The following CADM1 variants were observed in gnomAD, a reference collection of about 807,000 sequenced individuals.
The protein encoded by CADM1 is TSLC-1.
In CADM1, 15 loss-of-function variants were observed where a neutral mutation model predicts 53.1. The observed-to-expected ratio is 0.28, with a 90% CI of 0.19 to 0.44. The LOEUF (loss-of-function observed/expected upper bound fraction) is 0.44. CADM1 is among the 20% of genes least tolerant of loss of function. The probability of loss-of-function intolerance (pLI) is 1.00; values close to 1 mark genes in which losing one functional copy is unlikely to be tolerated. For synonymous variants in CADM1, 281 were observed against 243.0 expected, an observed-to-expected ratio of 1.16 and a Z score of -1.45; for missense variants, 434 against 611.3, an observed-to-expected ratio of 0.71 and a Z score of 3.06.
intron 4 of CADM1, among the ~76,000 whole-genome samples, chr11:115,230,858 A>G (rs913725648): frequency 6.6e-6 from 1 of 152,248 alleles, no homozygotes; most frequent in Non-Finnish European, 1.5e-5. Context: ...AGGAAAGCAT[A>G]TAGTCAACAC....
intron 1 of CADM1, among the ~76,000 whole-genome samples, chr11:115,322,001 A>G (rs1415263840): frequency 1.3e-5 from 2 of 152,152 alleles, no homozygotes; most frequent in African/African-American, 4.8e-5. Context: ...CATTTTGCCA[A>G]CCTATCACTC....
At chr11:115,439,041 T>TATCCCTGAGGAGAGAA (rs1948246993) in intron 1 of CADM1, among the ~76,000 whole-genome samples, 1 of 152,100 alleles carries the variant, frequency 6.6e-6, no homozygotes, top group Admixed American at 6.6e-5. Flanking sequence ...CTGGGAGGGG[T>TATCCCTGAGGAGAGAA]GCACTGGGTC....
chr11:115,419,690 C>T (rs544428393), intron 1 of CADM1, among the ~76,000 whole-genome samples: 1 of 152,176 alleles, frequency 6.6e-6, no homozygotes, highest in East Asian at 1.9e-4. Flanking sequence ...CGAAAATGAG[C>T]CCCTGAGACT....
At chr11:115,198,280 GTATA>G in intron 9 of CADM1, 122 bp downstream of exon 9, 1 of 681,830 alleles carries the variant, frequency 1.5e-6, no homozygotes, top group Admixed American at 2.6e-5. Context: ...AAAAATTATA[GTATA>G]TTTATGAGGT....
rs73574191 is a variant in CADM1 at position 115,284,199 on chromosome 11, G to C, written c.125-43779C>G. Among the ~76,000 whole-genome samples, 155 of 150,244 alleles carry C rather than the reference G, an allele frequency of 1.0e-3. 1 individual carries two copies. Among genetic ancestry groups the C allele is most frequent in the African/African-American group, 3.4e-3 (139 of 40,978 alleles). ...AAGCAGACGTGGGCAGACAAGAGAA[G>C]CACTTGTAGTTTGAAGACTTTCTGC... On this transcript the variant is annotated intron_variant, in intron 1 of 11. Transcript: ENST00000331581.
chr11:115,499,858 C>A (rs1160060929), intron 1 of CADM1, among the ~76,000 whole-genome samples: 1 of 152,178 alleles, frequency 6.6e-6, no homozygotes, highest in Non-Finnish European at 1.5e-5. Context: ...CAAAATGTTA[C>A]ATTTTCTATT....
chr11:115,366,374 T>C (rs973603702), intron 1 of CADM1, among the ~76,000 whole-genome samples: 1 of 152,222 alleles, frequency 6.6e-6, no homozygotes, highest in African/African-American at 2.4e-5. Flanking sequence ...AGCTTTTTAG[T>C]GTCAAGTGAT....
intron 1 of CADM1, chr11:115,256,916 AG>A: frequency 2.2e-6 from 1 of 455,898 alleles, no homozygotes; most frequent in Non-Finnish European, 4.4e-6. Flanking sequence ...AGTTTCAGAG[AG>A]AATAACATTC....
intron 1 of CADM1, among the ~76,000 whole-genome samples, chr11:115,394,253 C>CCA (rs1236538081): frequency 6.6e-6 from 1 of 152,122 alleles, no homozygotes; most frequent in Non-Finnish European, 1.5e-5. Context: ...TTAGAGCTAT[C>CCA]CATAGATGCA....
At position 115,352,090 on chromosome 11, in the gene CADM1, C is replaced by T. The variant is rs193026941; in HGVS notation, c.125-111670G>A. Reference sequence around the variant, plus strand: ...TGCAGATGTAGTGATGAAAACACCACTGCCTTAAGAGTCTAAAAAAAGAAT... The same window carrying T: ...TGCAGATGTAGTGATGAAAACACCATTGCCTTAAGAGTCTAAAAAAAGAAT... On this transcript the variant is annotated intron_variant, in intron 1 of 11. Transcript: ENST00000331581. 2.7e-3 allele frequency among the ~76,000 whole-genome samples: 414 copies of T among 152,292 alleles called. 1 individual carries two copies. The highest frequency in any genetic ancestry group is 9.5e-3 in the African/African-American group (394 of 41,554).
intron 1 of CADM1, among the ~76,000 whole-genome samples, chr11:115,317,295 A>C (rs901736581): frequency 3.9e-5 from 6 of 152,084 alleles, no homozygotes; most frequent in African/African-American, 1.4e-4. Context: ...AATACACAAC[A>C]CCTGGAGATG....
chr11:115,195,986 C>CA (rs1305654925), intron 9 of CADM1, among the ~76,000 whole-genome samples: 1 of 152,152 alleles, frequency 6.6e-6, no homozygotes, highest in Non-Finnish European at 1.5e-5. Flanking sequence ...ATTAAGAAGT[C>CA]AAATTCCAAG....
chr11:115,192,141 A>G (rs538066067), intron 9 of CADM1, among the ~76,000 whole-genome samples: 28 of 152,374 alleles, frequency 1.8e-4, no homozygotes, highest in Non-Finnish European at 3.5e-4. Flanking sequence ...ATGAACCACA[A>G]CAGTCATGTG....
chr11:115,367,003 G>A (rs1312058103), intron 1 of CADM1, among the ~76,000 whole-genome samples: 1 of 152,122 alleles, frequency 6.6e-6, no homozygotes, highest in South Asian at 2.1e-4. Context: ...TCAGACTTTG[G>A]GATAGGCCAT....
intron 9 of CADM1, among the ~76,000 whole-genome samples, chr11:115,192,593 G>A (rs1029918050): frequency 2.0e-5 from 3 of 152,140 alleles, no homozygotes; most frequent in African/African-American, 7.2e-5. Context: ...GTTCTCAGAA[G>A]GCTAATCTCT....
intron 1 of CADM1, among the ~76,000 whole-genome samples, chr11:115,394,290 A>T (rs1409409784): frequency 2.6e-5 from 4 of 152,252 alleles, no homozygotes; most frequent in East Asian, 1.9e-4. Flanking sequence ...AGGAAAAGTA[A>T]GAAAATTCAA....
At chr11:115,286,134 T>C (rs1943722859) in intron 1 of CADM1, among the ~76,000 whole-genome samples, 1 of 152,188 alleles carries the variant, frequency 6.6e-6, no homozygotes. Flanking sequence ...GTAAATAAAA[T>C]TAAATTTTAA....
intron 1 of CADM1, among the ~76,000 whole-genome samples, chr11:115,448,280 A>G (rs1948496995): frequency 6.6e-6 from 1 of 152,218 alleles, no homozygotes; most frequent in Non-Finnish European, 1.5e-5. Flanking sequence ...ATATGGTATA[A>G]GTAGAATATG....
chr11:115,292,793 T>C (rs1943939339), intron 1 of CADM1, among the ~76,000 whole-genome samples: 1 of 152,220 alleles, frequency 6.6e-6, no homozygotes, highest in Non-Finnish European at 1.5e-5. Context: ...CTATCAAAGC[T>C]TGGCAACCAG....
Sources: gnomAD v4.1 joint callset for allele counts (sites outside exome capture counted in the v4.1 genomes callset) on GRCh38, gnomAD v4.1.1 for gene constraint, MANE v1.5 for transcripts, NCBI Gene and HGNC (gene_info 2026-07-23, HGNC 2026-07-21) for gene names.